The following SLC7A1 variants were observed in gnomAD, a reference collection of about 807,000 sequenced individuals.
The protein encoded by SLC7A1 is solute carrier family 7 member 1, also known as high affinity cationic amino acid transporter 1.
A neutral mutation model predicts 53.9 loss-of-function variants in SLC7A1; 10 were observed. The ratio of observed to expected loss-of-function variants is 0.19; its 90% CI spans 0.11 to 0.31. SLC7A1 has a LOEUF of 0.31. Ranked by LOEUF, SLC7A1 falls within the 10% of genes least tolerant of loss-of-function variation. The probability of loss-of-function intolerance (pLI) is 1.00; values close to 1 mark genes in which losing one functional copy is unlikely to be tolerated. For missense variants in SLC7A1, 525 were observed against 827.2 expected (o/e 0.63, Z 4.48); for synonymous variants, 342 against 338.7 (o/e 1.01, Z -0.11).
chr13:29,545,907 CAGGATG>C (rs1389121533), intron 2 of SLC7A1, among the ~76,000 whole-genome samples: 1 of 152,218 alleles, frequency 6.6e-6, no homozygotes, highest in Admixed American at 6.5e-5. Flanking sequence ...CTGAAGCCAG[CAGGATG>C]AGTGGAGAGT....
chr13:29,516,865 A>G, intron 11 of SLC7A1: 1 of 355,848 alleles, frequency 2.8e-6, no homozygotes, highest in Non-Finnish European at 5.0e-6. Context: ...CCGAATATCC[A>G]GGGACTGGCG....
At chr13:29,571,127 G>A (rs950172020) in intron 1 of SLC7A1, among the ~76,000 whole-genome samples, 3 of 152,166 alleles carry the variant, frequency 2.0e-5, no homozygotes, top group South Asian at 2.1e-4. Flanking sequence ...TATTAGGTTG[G>A]TGCAAAAATA....
At chr13:29,587,061 T>C (rs1339693732) in intron 1 of SLC7A1, among the ~76,000 whole-genome samples, 1 of 152,190 alleles carries the variant, frequency 6.6e-6, no homozygotes, top group East Asian at 1.9e-4. Context: ...GGAGAGGGTC[T>C]GGGGCCGGAG....
chr13:29,561,478 G>C (rs188272463), intron 1 of SLC7A1, among the ~76,000 whole-genome samples: 1 of 152,312 alleles, frequency 6.6e-6, no homozygotes, highest in East Asian at 1.9e-4. Flanking sequence ...CTCCCGAGGG[G>C]ATATGTCGGG....
In SLC7A1 at chr13:29,517,166, C is replaced by A; in HGVS notation, c.1655G>T (p.Ser552Ile). The change falls in exon 11 of 13, where the codon AGC becomes ATC. Residue 552 changes from serine to isoleucine, a missense_variant. Transcript: ENST00000380752. ...VTGVIWRQPE[S>I]KTKLSFKVPF... is the part of the protein sequence containing the mutation. ...CACCTTAAATGAGAGCTTGGTCTTG[C>A]TCTCGGGCTGCCTCCAGATGACGCC... 6.2e-7 allele frequency: 1 copy of A among 1,610,604 alleles called. No homozygotes were observed. Among genetic ancestry groups the A allele is most frequent in the Non-Finnish European group, 8.5e-7 (1 of 1,178,516 alleles).
chr13:29,591,703 G>T (rs1320740362), intron 1 of SLC7A1, among the ~76,000 whole-genome samples: 1 of 152,180 alleles, frequency 6.6e-6, no homozygotes, highest in Non-Finnish European at 1.5e-5. Context: ...GAAAAGGGAG[G>T]GGGGCAAGGG....
chr13:29,556,467 T>A (rs1381367442), intron 1 of SLC7A1, among the ~76,000 whole-genome samples: 1 of 152,130 alleles, frequency 6.6e-6, no homozygotes, highest in Non-Finnish European at 1.5e-5. Context: ...TGCCTCGACC[T>A]CCCTAGACTC....
In SLC7A1 at chr13:29,525,351, C is replaced by G. The variant is rs529237605; in HGVS notation, c.705-1098G>C. Among the ~76,000 whole-genome samples the G allele has an allele frequency of 5.3e-5, 8 of 152,352 alleles. No individual in the cohort carries two copies. In the East Asian group the frequency reaches 1.5e-3, roughly 29 times the overall value. On this transcript the variant is annotated intron_variant, in intron 5 of 12. Transcript: ENST00000380752. ...GGAGCCCAAGAGGACGCTCACCACC[C>G]ACCTCTGTTGCCCCCACTCAACCAT...
intron 1 of SLC7A1, among the ~76,000 whole-genome samples, chr13:29,566,320 C>T (rs1050415272): frequency 6.6e-6 from 1 of 152,176 alleles, no homozygotes; most frequent in Admixed American, 6.5e-5. Flanking sequence ...TGAAAATGTA[C>T]ACCAATGTTC....
chr13:29,572,871 T>C (rs1253191327), intron 1 of SLC7A1, among the ~76,000 whole-genome samples: 1 of 152,086 alleles, frequency 6.6e-6, no homozygotes, highest in Non-Finnish European at 1.5e-5. Flanking sequence ...CAACTCAACA[T>C]GGTAATCAAC....
At chr13:29,560,619 G>A (rs531416570) in intron 1 of SLC7A1, among the ~76,000 whole-genome samples, 13 of 152,108 alleles carry the variant, frequency 8.5e-5, no homozygotes, top group African/African-American at 3.1e-4. Context: ...TTAGATGGCT[G>A]GCAATGCAGT....
intron 1 of SLC7A1, among the ~76,000 whole-genome samples, chr13:29,571,107 C>T (rs972886783): frequency 3.9e-5 from 6 of 152,068 alleles, no homozygotes; most frequent in East Asian, 1.9e-4. Flanking sequence ...TTTGCCATAC[C>T]ATATGAAGGT....
At chr13:29,572,412 G>T (rs1871237763) in intron 1 of SLC7A1, among the ~76,000 whole-genome samples, 2 of 152,310 alleles carry the variant, frequency 1.3e-5, no homozygotes, top group South Asian at 4.1e-4. Flanking sequence ...AAGTACAGAG[G>T]CCACCCAGGA....
At chr13:29,556,940 C>G (rs889751679) in intron 1 of SLC7A1, among the ~76,000 whole-genome samples, 26 of 152,174 alleles carry the variant, frequency 1.7e-4, no homozygotes, top group Middle Eastern at 3.2e-3. Context: ...AGTCTCCTGT[C>G]GTGGTATAAA....
intron 1 of SLC7A1, among the ~76,000 whole-genome samples, chr13:29,574,590 C>G (rs563989492): frequency 2.1e-4 from 32 of 151,180 alleles, no homozygotes; most frequent in Non-Finnish European, 4.3e-4. Flanking sequence ...AATGGAAAGC[C>G]AAGGTCTAGG....
intron 1 of SLC7A1, among the ~76,000 whole-genome samples, chr13:29,577,665 T>C (rs1871465172): frequency 6.6e-6 from 1 of 152,310 alleles, no homozygotes; most frequent in East Asian, 1.9e-4. Context: ...GGCCACCAAG[T>C]TGTCCTGCTC....
At chr13:29,538,403 C>A (rs1869520807) in intron 2 of SLC7A1, among the ~76,000 whole-genome samples, 1 of 152,176 alleles carries the variant, frequency 6.6e-6, no homozygotes, top group Non-Finnish European at 1.5e-5. Context: ...GAAGAGCAAG[C>A]AGAGAGATGG....
At chr13:29,566,948 C>A (rs1186658687) in intron 1 of SLC7A1, among the ~76,000 whole-genome samples, 1 of 152,148 alleles carries the variant, frequency 6.6e-6, no homozygotes, top group East Asian at 1.9e-4. Flanking sequence ...TCTACCACCC[C>A]ACTCCCCTAG....
chr13:29,592,875 C>A (rs759057937), intron 1 of SLC7A1, among the ~76,000 whole-genome samples: 1 of 152,062 alleles, frequency 6.6e-6, no homozygotes, highest in Non-Finnish European at 1.5e-5. Context: ...ACCTTTGAAC[C>A]CCATGTATGG....
Sources: allele counts gnomAD v4.1 joint callset (sites outside exome capture counted in the v4.1 genomes callset), GRCh38; gene constraint gnomAD v4.1.1; transcripts MANE v1.5; gene names NCBI Gene and HGNC (gene_info 2026-07-23, HGNC 2026-07-21).